Variants in ANXA13 observed in about 807,000 individuals in gnomAD.
ANXA13 encodes the protein annexin XIII.
ANXA13 carries 36 observed loss-of-function variants against 46.6 expected under a neutral mutation model. The ratio of observed to expected loss-of-function variants is 0.77; its 90% CI spans 0.59 to 1.02. The LOEUF is 1.02. Among genes scored for constraint, ANXA13 ranks in the 50% least tolerant of loss-of-function variants. The pLI is 0.00. For synonymous variants in ANXA13, 163 were observed against 152.9 expected, an observed-to-expected ratio of 1.07 and a Z score of -0.49; for missense variants, 417 against 396.5, an observed-to-expected ratio of 1.05 and a Z score of -0.44.
intron 1 of ANXA13, among the ~76,000 whole-genome samples, chr8:123,722,261 C>T (rs956187290): frequency 2.0e-5 from 3 of 151,264 alleles, no homozygotes; most frequent in South Asian, 2.1e-4. Flanking sequence ...TGCAGTGAGC[C>T]GTGGTTGCAC....
At chr8:123,736,611 T>C (rs115546508) in intron 1 of ANXA13, among the ~76,000 whole-genome samples, 1,840 of 152,308 alleles carry the variant, frequency 0.012, 47 homozygotes, top group African/African-American at 0.042. Context: ...TTTACCTTGG[T>C]CTATTAATAT....
chr8:123,712,621 A>G (rs1813680999), intron 2 of ANXA13, 57 bp downstream of exon 2: 2 of 1,486,720 alleles, frequency 1.3e-6, no homozygotes, highest in Non-Finnish European at 1.9e-6. Flanking sequence ...GAAGTTGGAC[A>G]TGAGACCAAG....
At chr8:123,682,743 G>A (rs938098933) in intron 10 of ANXA13, among the ~76,000 whole-genome samples, 2 of 152,048 alleles carry the variant, frequency 1.3e-5, no homozygotes, top group African/African-American at 4.8e-5. Context: ...GTAGGGATGG[G>A]GTGCACAGGG....
At chr8:123,734,231 G>A (rs1410489188) in intron 1 of ANXA13, among the ~76,000 whole-genome samples, 6 of 152,124 alleles carry the variant, frequency 3.9e-5, no homozygotes, top group African/African-American at 4.8e-5. Flanking sequence ...CCACACTCCC[G>A]TGGTAAAGTA....
At chr8:123,713,922 G>A (rs531682099) in intron 1 of ANXA13, among the ~76,000 whole-genome samples, 1 of 152,224 alleles carries the variant, frequency 6.6e-6, no homozygotes, top group South Asian at 2.1e-4. Flanking sequence ...TTGAACTCCT[G>A]AGCTCAGGCA....
intron 1 of ANXA13, among the ~76,000 whole-genome samples, chr8:123,716,399 T>TCTCTATCAGAGGCGC (rs1475214524): frequency 6.6e-6 from 1 of 152,104 alleles, no homozygotes; most frequent in Non-Finnish European, 1.5e-5. Context: ...GGGGTAGGAC[T>TCTCTATCAGAGGCGC]CTCTATCAGA....
rs59056780 is a variant in ANXA13 at position 123,684,886 on chromosome 8, T to C, written c.719-164A>G. Reference sequence around the variant, plus strand: ...CCGTTGCGAAATGAGATTTGGAAGATTCCCTGGTCAGAGCACCTGGAATCT... The same window carrying C: ...CCGTTGCGAAATGAGATTTGGAAGACTCCCTGGTCAGAGCACCTGGAATCT... On this transcript the variant is annotated intron_variant, in intron 9 of 10. Transcript: ENST00000419625. Among the ~76,000 whole-genome samples the C allele has an allele frequency of 6.7e-3, 1,020 of 152,322 alleles. 13 individuals carry two copies. The highest frequency in any genetic ancestry group is 0.023 in the African/African-American group (969 of 41,578).
chr8:123,731,860 G>T (rs1259504392), intron 1 of ANXA13, among the ~76,000 whole-genome samples: 2 of 152,150 alleles, frequency 1.3e-5, no homozygotes, highest in Non-Finnish European at 2.9e-5. Flanking sequence ...TTGCCACAGA[G>T]CGAGATCCTG....
intron 2 of ANXA13, among the ~76,000 whole-genome samples, chr8:123,709,407 CTCTT>C (rs1292321302): frequency 6.6e-6 from 1 of 151,268 alleles, no homozygotes; most frequent in African/African-American, 2.4e-5. Context: ...TCTCTCTTCT[CTCTT>C]TCTCTTCTCT....
In ANXA13 at chr8:123,688,867, T is replaced by C; in HGVS notation, c.718+4A>G. The C allele has an allele frequency of 6.2e-7, 1 of 1,613,530 alleles. No individual in the cohort carries two copies. Among genetic ancestry groups the C allele is most frequent in the Non-Finnish European group, 8.5e-7 (1 of 1,179,556 alleles). ...AGACAGGAGCTCTCCTAACTTTACT[T>C]TACCGAGAGTTAAATAGGCCTTCTG... is the stretch of plus-strand genomic sequence containing the variant. On this transcript the variant is annotated splice_donor_region_variant and intron_variant, in intron 9 of 10. Coordinates refer to ENST00000419625, the MANE Select transcript of ANXA13 (RefSeq NM_004306.4).
chr8:123,686,375 A>T (rs1283457526), intron 9 of ANXA13, among the ~76,000 whole-genome samples: 2 of 151,710 alleles, frequency 1.3e-5, no homozygotes, highest in Non-Finnish European at 2.9e-5. Flanking sequence ...CATGAGAACC[A>T]CTTGAACCCG....
intron 10 of ANXA13, among the ~76,000 whole-genome samples, chr8:123,683,876 T>G (rs1375149956): frequency 6.6e-6 from 1 of 152,180 alleles, no homozygotes; most frequent in Non-Finnish European, 1.5e-5. Flanking sequence ...CATGAGCCAT[T>G]GCACCCGACC....
intron 1 of ANXA13, among the ~76,000 whole-genome samples, chr8:123,714,675 C>T (rs529843835): frequency 2.6e-5 from 4 of 152,270 alleles, no homozygotes; most frequent in South Asian, 2.1e-4. Context: ...CTCCTAGAGC[C>T]GAAAGGAACA....
intron 2 of ANXA13, among the ~76,000 whole-genome samples, chr8:123,705,676 G>T (rs184221708): frequency 6.6e-6 from 1 of 152,196 alleles, no homozygotes. Context: ...TGGTTGGTGT[G>T]TGGACCTAGA....
At chr8:123,709,310 T>C (rs1170136535) in intron 2 of ANXA13, among the ~76,000 whole-genome samples, 1 of 151,972 alleles carries the variant, frequency 6.6e-6, no homozygotes, top group African/African-American at 2.4e-5. Context: ...ACATTCACTC[T>C]CCCTCCCTCC....
intron 8 of ANXA13, among the ~76,000 whole-genome samples, chr8:123,691,133 A>G (rs974369114): frequency 4.6e-5 from 7 of 152,232 alleles, no homozygotes; most frequent in Admixed American, 2.6e-4. Flanking sequence ...CTTAGAGCAT[A>G]AATAAATGGC....
chr8:123,702,338 A>G (rs999738971), intron 3 of ANXA13, among the ~76,000 whole-genome samples: 1 of 152,234 alleles, frequency 6.6e-6, no homozygotes, highest in Non-Finnish European at 1.5e-5. Context: ...TTTTCAAATT[A>G]CTGATCTAGC....
intron 1 of ANXA13, among the ~76,000 whole-genome samples, chr8:123,722,947 G>C (rs1043138411): frequency 5.9e-5 from 9 of 152,176 alleles, no homozygotes; most frequent in Admixed American, 4.6e-4. Flanking sequence ...ATAGCTAAAA[G>C]ACTACAGTGT....
In ANXA13 at chr8:123,695,756, C is replaced by T. The variant is rs755262698; in HGVS notation, c.358-35G>A. The T allele has an allele frequency of 1.9e-6, 3 of 1,565,502 alleles. No homozygotes were observed. In the South Asian group the frequency reaches 3.3e-5, roughly 17 times the overall value. Reference sequence around the variant, plus strand: ...GTAATTTACAAAAAAATCAATATTCCAAGGAGGGATTAATCAATAAGAGAT... The same window carrying T: ...GTAATTTACAAAAAAATCAATATTCTAAGGAGGGATTAATCAATAAGAGAT... On this transcript the variant is annotated intron_variant, in intron 4 of 10. Transcript: ENST00000419625.
Sources: allele counts gnomAD v4.1 joint callset (sites outside exome capture counted in the v4.1 genomes callset), GRCh38; gene constraint gnomAD v4.1.1; transcripts MANE v1.5; gene names NCBI Gene and HGNC (gene_info 2026-07-23, HGNC 2026-07-21).